Variants in SLC17A6 observed in about 807,000 individuals in gnomAD.
The protein encoded by SLC17A6 is vesicular glutamate transporter 2.
SLC17A6 carries 35 observed loss-of-function variants against 67.1 expected under a neutral mutation model. The ratio of observed to expected loss-of-function variants is 0.52; its 90% CI spans 0.40 to 0.69. The LOEUF is 0.69. SLC17A6 is among the 30% of genes least tolerant of loss of function. The pLI is 0.00. For missense variants in SLC17A6, 588 were observed against 723.9 expected (o/e 0.81, Z 2.15); for synonymous variants, 285 against 252.3 (o/e 1.13, Z -1.23).
At chr11:22,372,088 A>T (rs936444849) in intron 8 of SLC17A6, among the ~76,000 whole-genome samples, 4 of 152,186 alleles carry the variant, frequency 2.6e-5, no homozygotes, top group African/African-American at 7.2e-5. Context: ...TGAAGTAAGT[A>T]AAATATTTAC....
chr11:22,361,131 C>T (rs377707551), intron 5 of SLC17A6, 147 bp downstream of exon 5: 3 of 561,232 alleles, frequency 5.3e-6, no homozygotes, highest in Non-Finnish European at 9.5e-6. Flanking sequence ...CCACCATTTC[C>T]ATTTCTTTAG....
Sources: gnomAD v4.1 joint callset for allele counts (sites outside exome capture counted in the v4.1 genomes callset) on GRCh38, gnomAD v4.1.1 for gene constraint, MANE v1.5 for transcripts, NCBI Gene and HGNC (gene_info 2026-07-23, HGNC 2026-07-21) for gene names.